TMEM233: variants seen among roughly 807,000 people sequenced by gnomAD.
TMEM233 encodes transmembrane protein 233.
In TMEM233, 6 loss-of-function variants were observed where a neutral mutation model predicts 11.2. The ratio of observed to expected loss-of-function variants is 0.54; its 90% CI spans 0.29 to 1.06. The LOEUF (loss-of-function observed/expected upper bound fraction) is 1.06. Ranked by LOEUF, TMEM233 falls within the 50% of genes least tolerant of loss-of-function variation. The probability of loss-of-function intolerance (pLI) is 0.08; values close to 1 mark genes in which losing one functional copy is unlikely to be tolerated. For missense variants in TMEM233, 127 were observed against 144.7 expected (o/e 0.88, Z 0.63); for synonymous variants, 59 against 55.8 (o/e 1.06, Z -0.26).
At position 119,595,316 on chromosome 12, in the gene TMEM233, C is replaced by A. The variant is rs1954018603; in HGVS notation, c.186+1282C>A. 1.3e-5 allele frequency among the ~76,000 whole-genome samples: 2 copies of A among 152,250 alleles called. No individual in the cohort carries two copies. Among genetic ancestry groups the A allele is most frequent in the African/African-American group, 2.4e-5 (1 of 41,472 alleles). Reference sequence around the variant, plus strand: ...GAACTCCCCGGCCACAGACGCAGAGCCCTGATTCAGCGCTGTGAAAATCGC... The same window carrying A: ...GAACTCCCCGGCCACAGACGCAGAGACCTGATTCAGCGCTGTGAAAATCGC... On this transcript the variant is annotated intron_variant, in intron 1 of 2. Transcript: ENST00000426426. This position sits in a 1 kb window ranked among gnomAD's most constrained non-coding sequence, Gnocchi z 4.3.
At chr12:119,596,026 T>G (rs1954039321) in intron 1 of TMEM233, among the ~76,000 whole-genome samples, 1 of 152,194 alleles carries the variant, frequency 6.6e-6, no homozygotes, top group South Asian at 2.1e-4. Context: ...TGTGGATGAA[T>G]CATTAACCTT....
rs573924895 is a variant in TMEM233, at chr12:119,627,547, G to A, written c.187-2189G>A. ...GTGGCAAGACAGAGAGAGAGAGCAA[G>A]AGAACGATGCCAGGCTCTTTTAAAC... is the stretch of plus-strand genomic sequence containing the variant. On this transcript the variant is annotated intron_variant, in intron 1 of 2. Coordinates refer to ENST00000426426, the MANE Select transcript of TMEM233 (RefSeq NM_001136534.3). Among the ~76,000 whole-genome samples the A allele has an allele frequency of 2.3e-4, 35 of 152,234 alleles. No homozygotes were observed. In the South Asian group the frequency reaches 7.1e-3, roughly 31 times the overall value.
At chr12:119,651,743 C>T in the TMEM233 span, among the ~76,000 whole-genome samples, 2 of 149,506 alleles carry the variant, frequency 1.3e-5, no homozygotes, top group Non-Finnish European at 3.0e-5. Context: ...AGGAAAATCA[C>T]CTGAACCAGG....
At chr12:119,617,896 A>T (rs1954567796) in intron 1 of TMEM233, among the ~76,000 whole-genome samples, 1 of 152,264 alleles carries the variant, frequency 6.6e-6, no homozygotes, top group Non-Finnish European at 1.5e-5. Context: ...CAGCTGCAGA[A>T]ATCAAATGTT....
In TMEM233 at chr12:119,641,255, G is replaced by C. The variant is rs1955079499; in HGVS notation, c.*550G>C. Reference sequence around the variant, plus strand: ...CTGGGAGTCAGCACTCCCATGCCCAGAGTTCACCCATCTGGTCATCAAACA... The same window carrying C: ...CTGGGAGTCAGCACTCCCATGCCCACAGTTCACCCATCTGGTCATCAAACA... On this transcript the variant is annotated 3_prime_UTR_variant, in exon 3 of 3. Transcript: ENST00000426426. The C allele has an allele frequency of 6.6e-6, 1 of 152,504 alleles. No homozygotes were observed. The highest frequency in any genetic ancestry group is 2.4e-5 in the African/African-American group (1 of 41,440). The allele number at this position is 152,504 out of a possible 1,614,324, so 9.4% of individuals were successfully genotyped here.
intron 1 of TMEM233, among the ~76,000 whole-genome samples, chr12:119,599,528 A>ATGGT (rs1239035104): frequency 6.6e-6 from 1 of 152,256 alleles, no homozygotes; most frequent in African/African-American, 2.4e-5. Flanking sequence ...ACAAAATCTT[A>ATGGT]GACGATGGAA....
chr12:119,614,871 A>C (rs1954488935), intron 1 of TMEM233, among the ~76,000 whole-genome samples: 1 of 152,140 alleles, frequency 6.6e-6, no homozygotes, highest in Admixed American at 6.5e-5. Context: ...ATAAATATTA[A>C]CTATAATTTT....
chr12:119,627,848 G>A (rs1954795341), intron 1 of TMEM233, among the ~76,000 whole-genome samples: 1 of 152,230 alleles, frequency 6.6e-6, no homozygotes, highest in South Asian at 2.1e-4. Flanking sequence ...TGCCATGACA[G>A]TTTACCATTG....
intron 1 of TMEM233, among the ~76,000 whole-genome samples, chr12:119,611,880 A>G (rs993801016): frequency 6.6e-6 from 1 of 152,134 alleles, no homozygotes; most frequent in African/African-American, 2.4e-5. Flanking sequence ...CCACCTATAC[A>G]ATAGGAATAT....
At chr12:119,644,784 A>G (rs142290905), downstream of TMEM233, among the ~76,000 whole-genome samples, 270 of 152,156 alleles carry the variant, frequency 1.8e-3, 2 homozygotes, top group African/African-American at 6.3e-3. Context: ...CAGCCTCCTC[A>G]TAGCTTTTCA....
downstream of TMEM233, among the ~76,000 whole-genome samples, chr12:119,647,932 G>A (rs1365784170): frequency 6.6e-6 from 1 of 151,982 alleles, no homozygotes; most frequent in East Asian, 1.9e-4. Flanking sequence ...CAGACCCTTG[G>A]CTGCCTCTCA....
chr12:119,629,831 TCTC>T lies in TMEM233; in HGVS notation c.283_285del (p.Leu95del), dbSNP rs1431605306. On this transcript the variant is annotated inframe_deletion, in exon 2 of 3. Transcript: ENST00000426426. The stretch of plus-strand genomic sequence containing the variant: ...CCATCGCCTCCATCATCATTGGCCT[TCTC>T]ATCATCGGCATTTCTTGTGCAGTTC... The T allele has an allele frequency of 3.9e-6, 6 of 1,551,540 alleles. No individual in the cohort carries two copies.
At chr12:119,635,995 G>A (rs766683707) in intron 2 of TMEM233, among the ~76,000 whole-genome samples, 6 of 152,052 alleles carry the variant, frequency 3.9e-5, no homozygotes, top group Non-Finnish European at 4.4e-5. Context: ...TGTCCTTTTG[G>A]GTTTGCATGG....
At chr12:119,647,535 G>A (rs1955169681), downstream of TMEM233, among the ~76,000 whole-genome samples, 1 of 152,192 alleles carries the variant, frequency 6.6e-6, no homozygotes, top group Admixed American at 6.5e-5. Context: ...GTGCCAGCGA[G>A]TCTGTTCTCT....
chr12:119,618,569 G>A (rs1954581831), intron 1 of TMEM233, among the ~76,000 whole-genome samples: 1 of 152,236 alleles, frequency 6.6e-6, no homozygotes, highest in Non-Finnish European at 1.5e-5. Flanking sequence ...TCTTACATCA[G>A]TGTGACCTGG....
At chr12:119,647,612 T>C (rs1566119194), downstream of TMEM233, among the ~76,000 whole-genome samples, 1 of 152,162 alleles carries the variant, frequency 6.6e-6, no homozygotes, top group Non-Finnish European at 1.5e-5. Context: ...CCAAACTTTT[T>C]TTTATTTTTT....
intron 2 of TMEM233, 99 bp downstream of exon 2, chr12:119,629,971 C>A (rs1954847215): frequency 1.5e-6 from 2 of 1,312,242 alleles, no homozygotes; most frequent in African/African-American, 1.5e-5. Flanking sequence ...CAGTAACAAC[C>A]CCAAGCCAAA....
At chr12:119,601,017 A>AAT (rs1593276164) in intron 1 of TMEM233, among the ~76,000 whole-genome samples, 2 of 152,330 alleles carry the variant, frequency 1.3e-5, no homozygotes, top group East Asian at 3.9e-4. Context: ...AATAGTCAAG[A>AAT]ATATATATAA....
chr12:119,628,694 GT>G (rs1954813245), intron 1 of TMEM233, among the ~76,000 whole-genome samples: 1 of 151,074 alleles, frequency 6.6e-6, no homozygotes, highest in South Asian at 2.1e-4. Context: ...TAGAGACGGG[GT>G]TTCACTGTGT....
Sources: allele counts gnomAD v4.1 joint callset (sites outside exome capture counted in the v4.1 genomes callset), GRCh38; gene constraint gnomAD v4.1.1; non-coding constraint Gnocchi (gnomAD v3.1); transcripts MANE v1.5; gene names NCBI Gene and HGNC (gene_info 2026-07-23, HGNC 2026-07-21).